MTMR8: variants seen among roughly 807,000 people sequenced by gnomAD.
MTMR8 encodes the protein myotubularin related protein 8.
In MTMR8, 65 loss-of-function variants were observed where a neutral mutation model predicts 39.3. The observed-to-expected ratio is 1.65, with a 90% CI of 1.35 to 2.03. The LOEUF (loss-of-function observed/expected upper bound fraction) is 2.03, where lower values mean the gene tolerates loss of function less well. MTMR8 is among the 30% of genes most tolerant of loss of function. The probability of loss-of-function intolerance (pLI) is 0.00; values close to 1 mark genes in which losing one functional copy is unlikely to be tolerated. For missense variants in MTMR8, 777 were observed against 538.9 expected, an observed-to-expected ratio of 1.44 and a Z score of -4.37; for synonymous variants, 245 against 185.2, an observed-to-expected ratio of 1.32 and a Z score of -2.62.
intron 12 of MTMR8, among the ~76,000 whole-genome samples, chrX:64,290,677 T>TA (rs748798706): frequency 9.8e-5 from 11 of 111,775 alleles, no homozygotes; most frequent in Non-Finnish European, 1.7e-4. Flanking sequence ...ATCTGTTCTC[T>TA]ATTTCTTTAA....
chrX:64,357,770 C>G (rs1352810883), intron 2 of MTMR8, among the ~76,000 whole-genome samples: 1 of 111,702 alleles, frequency 9.0e-6, no homozygotes, highest in African/African-American at 3.3e-5. Context: ...GTTCTGGAGG[C>G]ATCACAAAAT....
chrX:64,345,326 A>C, intron 6 of MTMR8, 149 bp from the exon 7 acceptor site: 3 of 553,246 alleles, frequency 5.4e-6, no homozygotes, highest in Non-Finnish European at 8.2e-6. Flanking sequence ...GAATGGAGAG[A>C]ATTTCACTAG....
rs150979564 is a variant in MTMR8, at chrX:64,313,687, T to G, written c.1481+15085A>C. Among the ~76,000 whole-genome samples the G allele has an allele frequency of 5.2e-3, 586 of 112,568 alleles. 1 individual carries two copies. Among genetic ancestry groups the G allele is most frequent in the Middle Eastern group, 0.032 (7 of 218 alleles). ...CACTTAAAGGCCATTGCATGGTTAT[T>G]AGTTGGCCTAATTTCAATATTGTTG... is the stretch of plus-strand genomic sequence containing the variant. On this transcript the variant is annotated intron_variant, in intron 12 of 13. Transcript: ENST00000374852.
At chrX:64,277,592 T>A (rs1342960317) in intron 12 of MTMR8, among the ~76,000 whole-genome samples, 1 of 112,085 alleles carries the variant, frequency 8.9e-6, no homozygotes, top group Non-Finnish European at 1.9e-5. Flanking sequence ...GTTTGTAGGG[T>A]TTCTGCAGAG....
chrX:64,348,912 C>T (rs921127180), intron 5 of MTMR8, 118 bp from the exon 6 acceptor site: 2 of 787,211 alleles, frequency 2.5e-6, no homozygotes, highest in South Asian at 2.8e-5. Context: ...AAGATAGTGT[C>T]CAAAGCAAAG....
intron 12 of MTMR8, among the ~76,000 whole-genome samples, chrX:64,298,283 G>A (rs1465694166): frequency 6.8e-5 from 7 of 103,255 alleles, no homozygotes; most frequent in Non-Finnish European, 1.4e-4. Context: ...AGTTCTCCTT[G>A]AAGAGGTCCT....
chrX:64,354,105 C>CAA (rs201097604), intron 4 of MTMR8, among the ~76,000 whole-genome samples: 101 of 63,424 alleles, frequency 1.6e-3, no homozygotes, highest in African/African-American at 4.7e-3. Flanking sequence ...GTTGTAGGAG[C>CAA]AAAAAAAAAA....
chrX:64,379,974 T>A (rs764808877), intron 1 of MTMR8, among the ~76,000 whole-genome samples: 84 of 110,419 alleles, frequency 7.6e-4, no homozygotes, highest in Middle Eastern at 4.7e-3. Flanking sequence ...TTTGACAAAA[T>A]CCAATCCCCA....
chrX:64,388,021 G>C (rs1419531511), intron 1 of MTMR8, among the ~76,000 whole-genome samples: 1 of 111,140 alleles, frequency 9.0e-6, no homozygotes, highest in Non-Finnish European at 1.9e-5. Flanking sequence ...TGCTCTTGGA[G>C]AAGCTGTGAA....
chrX:64,275,994 C>A (rs1156530115), intron 12 of MTMR8, among the ~76,000 whole-genome samples: 1 of 111,498 alleles, frequency 9.0e-6, no homozygotes. Flanking sequence ...AAGCCCAGGG[C>A]TAGAGGCTTC....
intron 1 of MTMR8, among the ~76,000 whole-genome samples, chrX:64,380,670 T>A (rs1924388690): frequency 8.9e-6 from 1 of 112,298 alleles, no homozygotes; most frequent in African/African-American, 3.2e-5. Context: ...TGTATACATG[T>A]GCCATGTTGG....
At chrX:64,336,271 T>A in intron 9 of MTMR8, 143 bp from the exon 10 acceptor site, 1 of 417,917 alleles carries the variant, frequency 2.4e-6, no homozygotes, top group Non-Finnish European at 4.0e-6. Context: ...AATAAGTAAG[T>A]AACTTAGATT....
chrX:64,313,411 G>T (rs1048202610), intron 12 of MTMR8, among the ~76,000 whole-genome samples: 17 of 112,685 alleles, frequency 1.5e-4, no homozygotes, highest in African/African-American at 4.2e-4. Context: ...AGCCTTCAAA[G>T]AATTGAAGAC....
At chrX:64,389,986 A>G (rs1025892006) in intron 1 of MTMR8, among the ~76,000 whole-genome samples, 1 of 112,194 alleles carries the variant, frequency 8.9e-6, no homozygotes. Flanking sequence ...GAAGGGGAGC[A>G]CAATTCTCAC....
At chrX:64,300,909 C>T (rs1469541006) in intron 12 of MTMR8, among the ~76,000 whole-genome samples, 1 of 111,104 alleles carries the variant, frequency 9.0e-6, no homozygotes, top group Non-Finnish European at 1.9e-5. Context: ...TTGGCCTCCA[C>T]TCTCTTGTGG....
intron 12 of MTMR8, among the ~76,000 whole-genome samples, chrX:64,289,661 A>G (rs909110628): frequency 9.7e-6 from 1 of 102,977 alleles, no homozygotes; most frequent in African/African-American, 3.9e-5. Flanking sequence ...AAAAAAAAAA[A>G]TTAAGTTGGG....
chrX:64,288,255 A>T (rs920720004), intron 12 of MTMR8, among the ~76,000 whole-genome samples: 2 of 110,469 alleles, frequency 1.8e-5, no homozygotes, highest in African/African-American at 6.5e-5. Context: ...TACATTTATG[A>T]GCCATGAAAC....
intron 12 of MTMR8, among the ~76,000 whole-genome samples, chrX:64,297,872 G>C (rs765331443): frequency 1.9e-5 from 2 of 106,892 alleles, no homozygotes; most frequent in South Asian, 4.3e-4. Flanking sequence ...TCTCAGGTTT[G>C]TCAAAGATCA....
chrX:64,367,340 C>T (rs1923996444), intron 1 of MTMR8, among the ~76,000 whole-genome samples: 1 of 111,964 alleles, frequency 8.9e-6, no homozygotes, highest in Non-Finnish European at 1.9e-5. Context: ...CCCTGATGAA[C>T]ATCGATGCCA....
Sources: gnomAD v4.1 joint callset for allele counts (sites outside exome capture counted in the v4.1 genomes callset) on GRCh38, gnomAD v4.1.1 for gene constraint, MANE v1.5 for transcripts, NCBI Gene and HGNC (gene_info 2026-07-23, HGNC 2026-07-21) for gene names.